The following CCAR2 variants were observed in gnomAD, a reference collection of about 807,000 sequenced individuals.
CCAR2 encodes the protein cell cycle and apoptosis regulator 2.
In CCAR2, 21 loss-of-function variants were observed where a neutral mutation model predicts 108.1. That is an observed-to-expected ratio of 0.19 (90% CI 0.14 to 0.28). The LOEUF is 0.28. Among genes scored for constraint, CCAR2 ranks in the 10% least tolerant of loss-of-function variants. The probability of loss-of-function intolerance (pLI) is 1.00; values close to 1 mark genes in which losing one functional copy is unlikely to be tolerated. For missense variants in CCAR2, 1,126 were observed against 1,177.0 expected (o/e 0.96, Z 0.63); for synonymous variants, 577 against 472.8 (o/e 1.22, Z -2.86).
chr8:22,619,563 G>A lies in CCAR2; in HGVS notation c.2728-75G>A. 3 of 1,492,328 alleles carry A rather than the reference G, an allele frequency of 2.0e-6. No individual in the cohort carries two copies. In the South Asian group the frequency reaches 3.6e-5, roughly 18 times the overall value. The allele number at this position is 1,492,328 out of a possible 1,614,324, so 92.4% of individuals were successfully genotyped here. On this transcript the variant is annotated intron_variant, in intron 20 of 20. Coordinates refer to ENST00000308511, the MANE Select transcript of CCAR2 (RefSeq NM_001393997.1). ...GCGTGCAGTGGGAGCTTCCCAGCAG[G>A]AGGCAGTCCGCAGTCCGCAGTCCTC...
chr8:22,615,954 G>C (rs1801489130), intron 13 of CCAR2, 42 bp downstream of exon 13: 3 of 1,612,910 alleles, frequency 1.9e-6, no homozygotes, highest in Non-Finnish European at 1.7e-6. Context: ...GCTGGGATTT[G>C]TGGGCCTGAA....
At chr8:22,606,767 C>T (rs1801095473) in intron 4 of CCAR2, 69 bp downstream of exon 4, 2 of 1,455,750 alleles carry the variant, frequency 1.4e-6, no homozygotes, top group East Asian at 2.3e-5. Context: ...GCTGGTATTG[C>T]CCCCACCCGC....
intron 16 of CCAR2, 61 bp downstream of exon 16, chr8:22,617,839 G>C (rs1478603419): frequency 3.9e-6 from 6 of 1,534,808 alleles, no homozygotes; most frequent in Non-Finnish European, 4.5e-6. Flanking sequence ...AAGGCCTCTG[G>C]CCCACTCCTG....
chr8:22,604,963 C>G (rs998775213), intron 1 of CCAR2, 121 bp downstream of exon 1: 1 of 331,410 alleles, frequency 3.0e-6, no homozygotes, highest in Admixed American at 4.2e-5. Context: ...CCGAGCCCCT[C>G]TTTGGACTGC....
intron 12 of CCAR2, 24 bp from the exon 13 acceptor site, chr8:22,615,658 G>GTCTC (rs754108125): frequency 9.9e-6 from 16 of 1,613,652 alleles, no homozygotes; most frequent in Non-Finnish European, 1.4e-5. Flanking sequence ...GACCCAGAGG[G>GTCTC]TCTCATTTCA....
downstream of CCAR2, chr8:22,621,245 G>A (rs1002619845): frequency 2.1e-5 from 17 of 791,670 alleles, no homozygotes; most frequent in African/African-American, 2.8e-4. Context: ...TGGGGAGACG[G>A]CGGCCTGCCT....
Position 22,619,181 on chromosome 8 carries a change from A to G in CCAR2, c.2553A>G (p.Glu851=). ...EESHNRFSAT[E]VTNKTLAAEM... ...GCCATAACCGTTTCTCAGCCACTGA[A>G]GTAACCAATAAGACGCTGGCGGCAG... Residue 851 remains glutamate (E), a synonymous_variant, in exon 20 of 21, where the codon GAA becomes GAG. Coordinates refer to ENST00000308511, the MANE Select transcript of CCAR2 (RefSeq NM_001393997.1). The G allele has an allele frequency of 6.3e-7, 1 of 1,598,618 alleles. No homozygotes were observed. Among genetic ancestry groups the G allele is most frequent in the Non-Finnish European group, 8.5e-7 (1 of 1,172,834 alleles).
intron 1 of CCAR2, chr8:22,605,066 C>G (rs118007235): frequency 1.9e-5 from 5 of 266,650 alleles, no homozygotes; most frequent in South Asian, 1.5e-4. Flanking sequence ...GGCCTCGCCG[C>G]GGCTCTGCTG....
At chr8:22,614,716 C>G in intron 10 of CCAR2, 122 bp from the exon 11 acceptor site, 1 of 1,356,252 alleles carries the variant, frequency 7.4e-7, no homozygotes, top group Non-Finnish European at 1.0e-6. Context: ...ATAGAGACCT[C>G]ACTGTGTGGT....
intron 7 of CCAR2, among the ~76,000 whole-genome samples, chr8:22,611,231 G>T (rs963178242): frequency 2.0e-5 from 3 of 151,370 alleles, no homozygotes; most frequent in Non-Finnish European, 4.4e-5. Context: ...CATGGCGGTG[G>T]GTACCTGTAA....
In CCAR2 at chr8:22,617,505, G is replaced by A; in HGVS notation, c.1931G>A (p.Cys644Tyr). ...KPRGEASEDL[C>Y]EMALDPELLL... The stretch of plus-strand genomic sequence containing the variant: ...CGGGGCGAGGCTTCTGAGGACCTGT[G>A]TGAGATGGCCCTGGACCCAGAACTG... Residue 644 changes from cysteine to tyrosine, a missense_variant, in exon 15 of 21, where the codon TGT becomes TAT. Physicochemically the swap from Cys to Tyr is radical, Grantham distance 194. Coordinates refer to ENST00000308511, the MANE Select transcript of CCAR2 (RefSeq NM_001393997.1). 1 of 1,607,590 alleles carries A rather than the reference G, an allele frequency of 6.2e-7. No individual in the cohort carries two copies. Among genetic ancestry groups the A allele is most frequent in the South Asian group, 1.1e-5 (1 of 90,284 alleles).
intron 7 of CCAR2, among the ~76,000 whole-genome samples, chr8:22,609,808 C>G (rs1801210419): frequency 6.6e-6 from 1 of 152,118 alleles, no homozygotes; most frequent in South Asian, 2.1e-4. Context: ...ATTTGATTGT[C>G]CTGGACGTGC....
chr8:22,615,316 A>G, intron 11 of CCAR2, 109 bp from the exon 12 acceptor site: 1 of 1,321,790 alleles, frequency 7.6e-7, no homozygotes, highest in Non-Finnish European at 1.0e-6. Flanking sequence ...CTTGGTTCGC[A>G]GTGTGTGCTC....
In CCAR2 at chr8:22,605,747, C is replaced by T. The variant is rs1801049965; in HGVS notation, c.-27C>T. ...TTTTTGGATTGAAGCCTTTTCCCCA[C>T]GACTCTGAAAGAGGACAGCGTTCCC... On this transcript the variant is annotated 5_prime_UTR_variant, in exon 2 of 21. In the 5' UTR this introduces an upstream ATG that the reference lacks. Coordinates refer to ENST00000308511, the MANE Select transcript of CCAR2 (RefSeq NM_001393997.1). 6.2e-7 allele frequency: 1 copy of T among 1,606,630 alleles called. No homozygotes were observed. The highest frequency in any genetic ancestry group is 8.5e-7 in the Non-Finnish European group (1 of 1,174,264).
chr8:22,611,388 A>ATGTGTGTGTG (rs145362940), intron 7 of CCAR2, among the ~76,000 whole-genome samples: 2,555 of 128,428 alleles, frequency 0.02, 83 homozygotes, highest in African/African-American at 0.065. Flanking sequence ...AAGTATATAT[A>ATGTGTGTGTG]TGTGTGTGTG....
chr8:22,610,426 GT>G (rs1483276090), intron 7 of CCAR2, among the ~76,000 whole-genome samples: 1 of 152,206 alleles, frequency 6.6e-6, no homozygotes, highest in Admixed American at 6.5e-5. Flanking sequence ...GTCCTGAGAG[GT>G]CAGCCCCTGG....
At chr8:22,611,807 T>C (rs1364120156) in intron 7 of CCAR2, among the ~76,000 whole-genome samples, 4 of 152,228 alleles carry the variant, frequency 2.6e-5, no homozygotes, top group African/African-American at 7.2e-5. Flanking sequence ...CTTCATATTT[T>C]TCCACTATGT....
chr8:22,618,602 ATG>A lies in CCAR2; in HGVS notation c.2221-11_2221-10del. The stretch of plus-strand genomic sequence containing the variant: ...GGGGACGGGGCCTTCTGATCAGCAG[ATG>A]TGTTTTCTGCAGGCCAAGCAGCTGG... On this transcript the variant is annotated splice_polypyrimidine_tract_variant and intron_variant, in intron 17 of 20. Coordinates refer to ENST00000308511, the MANE Select transcript of CCAR2 (RefSeq NM_001393997.1). 4 of 1,614,026 alleles carry A rather than the reference ATG, an allele frequency of 2.5e-6. No individual in the cohort carries two copies. The highest frequency in any genetic ancestry group is 2.5e-6 in the Non-Finnish European group (3 of 1,179,984).
intron 7 of CCAR2, among the ~76,000 whole-genome samples, chr8:22,610,365 C>A (rs1398813099): frequency 6.6e-6 from 1 of 152,236 alleles, no homozygotes; most frequent in Non-Finnish European, 1.5e-5. Flanking sequence ...GCTGCTACTG[C>A]TGTGCTGTGG....
Sources: allele counts gnomAD v4.1 joint callset (sites outside exome capture counted in the v4.1 genomes callset), GRCh38; gene constraint gnomAD v4.1.1; transcripts MANE v1.5; gene names NCBI Gene and HGNC (gene_info 2026-07-23, HGNC 2026-07-21).